Variants in CFAP97 observed in about 807,000 individuals in gnomAD.
CFAP97 encodes the protein cilia and flagella associated protein 97.
In CFAP97, 36 loss-of-function variants were observed where a neutral mutation model predicts 43.1. That is an observed-to-expected ratio of 0.84 (90% CI 0.64 to 1.10). The LOEUF is 1.10. Among genes scored for constraint, CFAP97 ranks in the 50% least tolerant of loss-of-function variants. The pLI is 0.00. For synonymous variants in CFAP97, 228 were observed against 225.7 expected, an observed-to-expected ratio of 1.01 and a Z score of -0.09; for missense variants, 657 against 620.3, an observed-to-expected ratio of 1.06 and a Z score of -0.63.
chr4:185,184,557 C>T (rs1735934316), intron 2 of CFAP97, among the ~76,000 whole-genome samples: 1 of 152,160 alleles, frequency 6.6e-6, no homozygotes, highest in African/African-American at 2.4e-5. Flanking sequence ...CTGCAGACAT[C>T]TCCTAGCAGC....
In CFAP97 at chr4:185,190,858, G is replaced by T. The variant is rs141482103; in HGVS notation, c.339C>A (p.His113Gln). 6.2e-7 allele frequency: 1 copy of T among 1,611,410 alleles called. No individual in the cohort carries two copies. The highest frequency in any genetic ancestry group is 1.1e-5 in the South Asian group (1 of 90,620). The change falls in exon 2 of 5, where the codon CAC becomes CAA. Residue 113 changes from histidine to glutamine, a missense_variant. Physicochemically the swap from His to Gln is conservative, Grantham distance 24 (BLOSUM62 0). Coordinates refer to ENST00000458385, the MANE Select transcript of CFAP97 (RefSeq NM_020827.3). ...LCDVTTGLKI[H>Q]VSIPNRIPKI... ...TGGGAATTCTATTTGGAATGGACAC[G>T]TGTATTTTAAGTCCTGTTGTAACAT...
intron 3 of CFAP97, chr4:185,170,030 A>T: frequency 8.6e-7 from 1 of 1,157,394 alleles, no homozygotes; most frequent in African/African-American, 1.6e-5. Context: ...TCTCCCTTTA[A>T]TTATTCCACA....
rs1655023523 is a variant in CFAP97, at chr4:185,162,690, C to T, written c.*108G>A. The T allele has an allele frequency of 1.7e-6, 2 of 1,211,830 alleles. No individual in the cohort carries two copies. Among genetic ancestry groups the T allele is most frequent in the African/African-American group, 3.0e-5 (2 of 65,954 alleles). 75.1% of individuals were successfully genotyped at this position (1,211,830 alleles called of 1,614,324 possible). A position where few individuals can be genotyped will look rare whatever the true frequency, so the allele number is the denominator to read the frequency against. ...TACATTACAACTCACTGTTGTACAC[C>T]TTCAATTGCTAAAACGGTATTCTAG... On this transcript the variant is annotated 3_prime_UTR_variant, in exon 5 of 5. Transcript: ENST00000458385.
intron 2 of CFAP97, among the ~76,000 whole-genome samples, chr4:185,183,553 C>CAGTT (rs2111367067): frequency 6.6e-6 from 1 of 152,304 alleles, no homozygotes; most frequent in African/African-American, 2.4e-5. Context: ...ACCACAGTTG[C>CAGTT]AGTTATATGG....
chr4:185,200,769 A>G (rs1736784339), intron 1 of CFAP97, among the ~76,000 whole-genome samples: 1 of 152,178 alleles, frequency 6.6e-6, no homozygotes, highest in Non-Finnish European at 1.5e-5. Flanking sequence ...CCTGGGTGAC[A>G]GAACAAGACC....
Position 185,191,417 on chromosome 4 carries a change from A to T in CFAP97, c.-16-205T>A, listed in dbSNP as rs372739218. Among the ~76,000 whole-genome samples the T allele has an allele frequency of 4.6e-5, 7 of 152,358 alleles. 1 individual carries two copies. The highest frequency in any genetic ancestry group is 2.0e-4 in the Admixed American group (3 of 15,300). The stretch of plus-strand genomic sequence containing the variant: ...AAGTTCTACCAATTATCTGAAAAAT[A>T]AAAAAGTCCCATAGTTAAGTTCACA... On this transcript the variant is annotated intron_variant, in intron 1 of 4. Transcript: ENST00000458385.
At chr4:185,192,804 A>G (rs555750437) in intron 1 of CFAP97, among the ~76,000 whole-genome samples, 20 of 131,596 alleles carry the variant, frequency 1.5e-4, no homozygotes, top group African/African-American at 4.5e-4. Flanking sequence ...GCAGTGGTGC[A>G]ATCTCGGCTC....
At chr4:185,192,754 T>TG (rs1222767237) in intron 1 of CFAP97, among the ~76,000 whole-genome samples, 5,390 of 78,660 alleles carry the variant, frequency 0.069, 149 homozygotes, top group South Asian at 0.093. Context: ...TTTTTTTTTT[T>TG]TTTTGAGACG....
intron 3 of CFAP97, among the ~76,000 whole-genome samples, chr4:185,168,390 T>C (rs191932076): frequency 1.9e-4 from 29 of 150,512 alleles, no homozygotes; most frequent in Non-Finnish European, 3.8e-4. Flanking sequence ...GCAGATCACC[T>C]GAGGTCAGGA....
At chr4:185,174,260 T>C (rs1735430023) in intron 3 of CFAP97, among the ~76,000 whole-genome samples, 1 of 152,212 alleles carries the variant, frequency 6.6e-6, no homozygotes, top group Non-Finnish European at 1.5e-5. Context: ...GTTTTTGACA[T>C]ACGGGAATTT....
chr4:185,179,621 T>G (rs1233055298), intron 2 of CFAP97, among the ~76,000 whole-genome samples: 1 of 152,140 alleles, frequency 6.6e-6, no homozygotes, highest in Non-Finnish European at 1.5e-5. Context: ...GGTTCTGGCC[T>G]TCAGGCTGTA....
chr4:185,187,069 A>G (rs1579252507), intron 2 of CFAP97, among the ~76,000 whole-genome samples: 1 of 152,170 alleles, frequency 6.6e-6, no homozygotes, highest in East Asian at 1.9e-4. Context: ...AAAAAGAATT[A>G]CAAGAAAATT....
In CFAP97 at chr4:185,190,706, T is replaced by C. The variant is rs1736205761; in HGVS notation, c.491A>G (p.Lys164Arg). 1 of 1,569,920 alleles carries C rather than the reference T, an allele frequency of 6.4e-7. No individual in the cohort carries two copies. Among genetic ancestry groups the C allele is most frequent in the South Asian group, 1.2e-5 (1 of 86,268 alleles). The change falls in exon 2 of 5, where the codon AAA becomes AGA. Residue 164 changes from lysine to arginine, a missense_variant. Lys to Arg is a conservative substitution (Grantham distance 26). Transcript: ENST00000458385. Reference sequence around the variant, plus strand: ...AGAGGAGCTAACTTTGCAATACTTTTTCCTTATGCTTTTTTTAACGTTAGT... The same window carrying C: ...AGAGGAGCTAACTTTGCAATACTTTCTCCTTATGCTTTTTTTAACGTTAGT... ...PSTNVKKSIR[K>R]KYCKVSSSSS...
upstream of CFAP97, among the ~76,000 whole-genome samples, chr4:185,208,131 C>T (rs1042618260): frequency 3.9e-5 from 6 of 151,962 alleles, no homozygotes; most frequent in East Asian, 3.9e-4. Flanking sequence ...ATTTTTGAGA[C>T]GAAGTCTCAC....
intron 1 of CFAP97, among the ~76,000 whole-genome samples, chr4:185,192,047 T>C (rs1252399088): frequency 6.6e-6 from 1 of 152,212 alleles, no homozygotes; most frequent in Non-Finnish European, 1.5e-5. Flanking sequence ...GCAGTGAGGA[T>C]TGACTGACAT....
upstream of CFAP97, among the ~76,000 whole-genome samples, chr4:185,208,066 T>C (rs147943393): frequency 6.9e-4 from 105 of 152,302 alleles, no homozygotes; most frequent in African/African-American, 2.5e-3. Flanking sequence ...ACAACTATTT[T>C]AGAGGCAAAA....
intron 2 of CFAP97, among the ~76,000 whole-genome samples, chr4:185,184,749 T>C (rs1735942367): frequency 6.6e-6 from 1 of 152,214 alleles, no homozygotes; most frequent in Non-Finnish European, 1.5e-5. Context: ...TAATCACTGA[T>C]GACTCTGAAC....
intron 1 of CFAP97, among the ~76,000 whole-genome samples, chr4:185,196,537 T>C (rs76025292): frequency 2.0e-5 from 3 of 152,094 alleles, no homozygotes; most frequent in East Asian, 3.9e-4. Context: ...TTCTATTACT[T>C]AAATGCATTG....
chr4:185,182,870 C>T (rs560959688), intron 2 of CFAP97, among the ~76,000 whole-genome samples: 2 of 152,202 alleles, frequency 1.3e-5, no homozygotes, highest in Admixed American at 6.5e-5. Context: ...GAGGCTGACA[C>T]GGGCGGATCA....
Sources: allele counts gnomAD v4.1 joint callset (sites outside exome capture counted in the v4.1 genomes callset), GRCh38; gene constraint gnomAD v4.1.1; transcripts MANE v1.5; gene names NCBI Gene and HGNC (gene_info 2026-07-23, HGNC 2026-07-21).